The following MUSK variants were observed in gnomAD, a reference collection of about 807,000 sequenced individuals.
MUSK encodes muscle, skeletal receptor tyrosine-protein kinase.
MUSK carries 55 observed loss-of-function variants against 88.7 expected under a neutral mutation model. The ratio of observed to expected loss-of-function variants is 0.62; its 90% confidence interval spans 0.50 to 0.78. The LOEUF (loss-of-function observed/expected upper bound fraction) is 0.78, where lower values mean the gene tolerates loss of function less well. Ranked by LOEUF, MUSK falls within the 30% of genes least tolerant of loss-of-function variation. The pLI is 0.00. For synonymous variants in MUSK, 387 were observed against 391.9 expected (o/e 0.99, Z 0.15); for missense variants, 1,015 against 1,074.3 (o/e 0.94, Z 0.77).
chr9:110,722,627 G>A (rs2076829038), intron 5 of MUSK, among the ~76,000 whole-genome samples: 1 of 151,850 alleles, frequency 6.6e-6, no homozygotes, highest in African/African-American at 2.4e-5. Context: ...CCCAGAGTGG[G>A]AGAAAATTTT....
intron 5 of MUSK, among the ~76,000 whole-genome samples, chr9:110,719,773 C>A (rs1262900868): frequency 6.6e-6 from 1 of 152,022 alleles, no homozygotes. Flanking sequence ...TTCTACCCAA[C>A]AAATGCAGAA....
In MUSK at chr9:110,689,717, A is replaced by ATAGTTATATATAAATATATAACTATATG. The variant is rs1300293664; in HGVS notation, c.358+2450_358+2451insAGTTATATATAAATATATAACTATATGT. 1.7e-4 allele frequency among the ~76,000 whole-genome samples: 6 copies of ATAGTTATATATAAATATATAACTATATG among 35,636 alleles called. No individual in the cohort carries two copies. The East Asian group carries it at 2.0e-3, about 12-fold the overall frequency. 23.4% of individuals were successfully genotyped at this position (35,636 alleles called of 152,430 possible). A position where few individuals can be genotyped will look rare whatever the true frequency, so the allele number is the denominator to read the frequency against. On this transcript the variant is annotated intron_variant, in intron 3 of 14. Transcript: ENST00000374448. ...GTTATATATAAATATATAACTATAT[A>ATAGTTATATATAAATATATAACTATATG]TGTTATATATAGTTTATATATAATA...
intron 1 of MUSK, among the ~76,000 whole-genome samples, chr9:110,669,544 C>G (rs901615537): frequency 6.6e-6 from 1 of 152,106 alleles, no homozygotes; most frequent in Admixed American, 6.6e-5. Flanking sequence ...AACTTTGAGG[C>G]TGGAGTCATG....
At chr9:110,686,948 G>A (rs1005175267) in intron 2 of MUSK, among the ~76,000 whole-genome samples, 169 bp from the exon 3 acceptor site, 2 of 152,132 alleles carry the variant, frequency 1.3e-5, no homozygotes, top group African/African-American at 4.8e-5. Context: ...AGAATATAAT[G>A]TTAGCTTTAT....
chr9:110,743,019 A>AT (rs1242605506), intron 6 of MUSK, among the ~76,000 whole-genome samples: 1 of 152,252 alleles, frequency 6.6e-6, no homozygotes, highest in Non-Finnish European at 1.5e-5. Flanking sequence ...TCCTGATATC[A>AT]TTTTTGGTGG....
chr9:110,767,908 C>T lies in MUSK; in HGVS notation c.1009C>T (p.Leu337Phe), dbSNP rs2077509035. 6.2e-7 allele frequency: 1 copy of T among 1,613,852 alleles called. No individual in the cohort carries two copies. Among genetic ancestry groups the T allele is most frequent in the Non-Finnish European group, 8.5e-7 (1 of 1,179,908 alleles). Residue 337 changes from leucine (L) to phenylalanine (F), a missense_variant, in exon 9 of 15, where the codon CTC becomes TTC. Transcript: ENST00000374448. ...AVLAKDALVF[L>F]NTSYADPEEA... ...CCTGGCAAAAGATGCTCTTGTTTTTCTCAACACCTCCTATGCGGACCCTGA... is the reference window on the plus strand; with the variant it reads ...CCTGGCAAAAGATGCTCTTGTTTTTTTCAACACCTCCTATGCGGACCCTGA...
At chr9:110,736,331 G>A (rs1335076865) in intron 6 of MUSK, among the ~76,000 whole-genome samples, 1 of 152,066 alleles carries the variant, frequency 6.6e-6, no homozygotes, top group Non-Finnish European at 1.5e-5. Context: ...ACCTCAGGAG[G>A]AAGATTATAT....
In MUSK at chr9:110,788,216, G is replaced by A. The variant is rs548958060; in HGVS notation, c.1927+378G>A. 3.2e-5 allele frequency: 6 copies of A among 186,786 alleles called. No homozygotes were observed. The South Asian group carries it at 4.3e-4, about 13-fold the overall frequency. 11.6% of individuals were successfully genotyped at this position (186,786 alleles called of 1,614,324 possible). ...CCCTAACTAGAATGTCATGAGCAGC[G>A]ATTTGTATCTTTTCTGTTCATTGTT... is the stretch of plus-strand genomic sequence containing the variant. On this transcript the variant is annotated intron_variant, in intron 14 of 14. Coordinates refer to ENST00000374448, the MANE Select transcript of MUSK (RefSeq NM_005592.4).
chr9:110,759,180 CACTT>C (rs2077365467), intron 7 of MUSK, among the ~76,000 whole-genome samples: 1 of 152,126 alleles, frequency 6.6e-6, no homozygotes, highest in Non-Finnish European at 1.5e-5. Flanking sequence ...TAAAACCACA[CACTT>C]ACAACCATCT....
chr9:110,747,771 C>T lies in MUSK; in HGVS notation c.884C>T (p.Ala295Val). ...TNKHGEKFST[A>V]KAAATISIAE... ...AAGCATGGGGAGAAGTTCAGTACTG[C>T]CAAGGCTGCAGCCACCATCAGCATA... The change falls in exon 7 of 15, where the codon GCC becomes GTC. Residue 295 changes from alanine to valine, a missense_variant. By Grantham distance (64) the Ala-to-Val change is moderately conservative. Coordinates refer to ENST00000374448, the MANE Select transcript of MUSK (RefSeq NM_005592.4). 6.2e-7 allele frequency: 1 copy of T among 1,613,846 alleles called. No individual in the cohort carries two copies. Among genetic ancestry groups the T allele is most frequent in the Non-Finnish European group, 8.5e-7 (1 of 1,179,798 alleles).
At chr9:110,693,404 G>A (rs1260827588) in intron 3 of MUSK, among the ~76,000 whole-genome samples, 1 of 151,912 alleles carries the variant, frequency 6.6e-6, no homozygotes, top group Non-Finnish European at 1.5e-5. Flanking sequence ...TAAGGCTCCC[G>A]AGATCCCCCA....
intron 3 of MUSK, 104 bp from the exon 4 acceptor site, chr9:110,695,299 A>T: frequency 1.2e-6 from 1 of 830,602 alleles, no homozygotes; most frequent in Admixed American, 3.8e-5. Context: ...ACATGCCTCA[A>T]ATGATTCTCA....
intron 6 of MUSK, among the ~76,000 whole-genome samples, chr9:110,740,843 C>G (rs528726082): frequency 7.2e-5 from 11 of 152,174 alleles, no homozygotes; most frequent in African/African-American, 2.6e-4. Flanking sequence ...AAAGGCGTCT[C>G]GACATGGATA....
chr9:110,786,248 T>A (rs1447687117), intron 13 of MUSK, among the ~76,000 whole-genome samples: 2 of 149,196 alleles, frequency 1.3e-5, no homozygotes, highest in South Asian at 4.2e-4. Flanking sequence ...AAGACAGAGG[T>A]TGCAGTGAGC....
chr9:110,758,225 A>T (rs2077352353), intron 7 of MUSK, among the ~76,000 whole-genome samples: 1 of 152,186 alleles, frequency 6.6e-6, no homozygotes, highest in African/African-American at 2.4e-5. Context: ...GGGTCTCCCA[A>T]AGTGCTGGAA....
chr9:110,755,954 A>ATG (rs1491192160), intron 7 of MUSK, among the ~76,000 whole-genome samples: 4 of 110,518 alleles, frequency 3.6e-5, no homozygotes, highest in Non-Finnish European at 7.6e-5. Context: ...ATATATACAC[A>ATG]TATATATATA....
chr9:110,672,666 A>G (rs1441263576), intron 1 of MUSK, among the ~76,000 whole-genome samples: 1 of 152,208 alleles, frequency 6.6e-6, no homozygotes, highest in African/African-American at 2.4e-5. Flanking sequence ...TGTACTAAAA[A>G]AAAAATACTG....
rs934093197 is a variant in MUSK at position 110,716,475 on chromosome 9, T to A, written c.629-17776T>A. ...CTTAAACTGAGAAGCATTTATAATT[T>A]TCCATTTTGAGAAATACTCTGTAGC... On this transcript the variant is annotated intron_variant, in intron 5 of 14. Transcript: ENST00000374448. 2.6e-4 allele frequency among the ~76,000 whole-genome samples: 39 copies of A among 150,276 alleles called. 4 individuals are homozygous for A. The highest frequency in any genetic ancestry group is 9.8e-4 in the African/African-American group (39 of 39,834).
At chr9:110,682,341 G>A (rs1381124852) in intron 1 of MUSK, among the ~76,000 whole-genome samples, 2 of 151,544 alleles carry the variant, frequency 1.3e-5, no homozygotes, top group Non-Finnish European at 2.9e-5. Flanking sequence ...ATATTGGGGT[G>A]GACACAGAAA....
Sources: allele counts gnomAD v4.1 joint callset (sites outside exome capture counted in the v4.1 genomes callset), GRCh38; gene constraint gnomAD v4.1.1; transcripts MANE v1.5; gene names NCBI Gene and HGNC (gene_info 2026-07-23, HGNC 2026-07-21).